B4GALNT2: variants seen among roughly 807,000 people sequenced by gnomAD.
B4GALNT2 encodes the protein N-acetylneuraminylgalactosylglucosyl-glucoside beta-1,4-N- acetylgalactosaminyltransferase 2.
In B4GALNT2, 42 loss-of-function variants were observed where a neutral mutation model predicts 51.1. The observed-to-expected ratio is 0.82, with a 90% CI of 0.64 to 1.06. The LOEUF (loss-of-function observed/expected upper bound fraction) is 1.06, where lower values mean the gene tolerates loss of function less well. B4GALNT2 is among the 50% of genes least tolerant of loss of function. The pLI, the probability that B4GALNT2 is intolerant of heterozygous loss-of-function variation, is 0.00. For missense variants in B4GALNT2, 602 were observed against 633.6 expected, an observed-to-expected ratio of 0.95 and a Z score of 0.54; for synonymous variants, 253 against 251.7, an observed-to-expected ratio of 1.01 and a Z score of -0.05.
rs2144350329 is a variant in B4GALNT2, at chr17:49,171,211, C to T, written c.*1483C>T. On this transcript the variant is annotated 3_prime_UTR_variant, in exon 11 of 11. Transcript: ENST00000393354. ...GCAAAGGCAGCTTTGTCATGGTGAG[C>T]TAATTCTCACAGGAGTCAGGATCCG... The T allele has an allele frequency of 4.2e-6, 1 of 237,344 alleles. No individual in the cohort carries two copies. Among genetic ancestry groups the T allele is most frequent in the Non-Finnish European group, 8.3e-6 (1 of 120,134 alleles). 14.7% of individuals were successfully genotyped at this position (237,344 alleles called of 1,614,324 possible). A position where few individuals can be genotyped will look rare whatever the true frequency, so the allele number is the denominator to read the frequency against.
the B4GALNT2 span, among the ~76,000 whole-genome samples, chr17:49,120,380 G>C: frequency 6.6e-6 from 1 of 152,150 alleles, no homozygotes; most frequent in Non-Finnish European, 1.5e-5. Flanking sequence ...CTGGTGGCTA[G>C]GAAAGGTCTC....
At position 49,170,479 on chromosome 17, in the gene B4GALNT2, T is replaced by G. The variant is rs2144349217; in HGVS notation, c.*751T>G. 6.6e-6 allele frequency: 1 copy of G among 152,392 alleles called. No homozygotes were observed. The highest frequency in any genetic ancestry group is 2.1e-4 in the South Asian group (1 of 4,826). 9.4% of individuals were successfully genotyped at this position (152,392 alleles called of 1,614,324 possible). Reference sequence around the variant, plus strand: ...TGCCAGGGATTGAACTCAGAGCCCATGCCAAGGCATGATGGTGAACAGACA... The same window carrying G: ...TGCCAGGGATTGAACTCAGAGCCCAGGCCAAGGCATGATGGTGAACAGACA... On this transcript the variant is annotated 3_prime_UTR_variant, in exon 11 of 11. Transcript: ENST00000393354.
the B4GALNT2 span, among the ~76,000 whole-genome samples, chr17:49,125,758 AGC>A: frequency 6.2e-5 from 5 of 81,030 alleles, no homozygotes; most frequent in Admixed American, 1.3e-4. Context: ...TGGGGGGGTC[AGC>A]CCCCCGCCCG....
chr17:49,159,327 T>C, intron 6 of B4GALNT2, 110 bp downstream of exon 6: 1 of 1,208,190 alleles, frequency 8.3e-7, no homozygotes, highest in Non-Finnish European at 1.2e-6. Context: ...GTGTTTTGTG[T>C]GTGTTTGTTT....
At chr17:49,132,891 C>T in intron 1 of B4GALNT2, 85 bp downstream of exon 1, 2 of 1,375,170 alleles carry the variant, frequency 1.5e-6, no homozygotes, top group Non-Finnish European at 1.9e-6. Context: ...GTCTGCAGAG[C>T]GGGCAGGTGC....
At chr17:49,141,896 G>T in intron 2 of B4GALNT2, 139 bp from the exon 3 acceptor site, 1 of 1,085,556 alleles carries the variant, frequency 9.2e-7, no homozygotes, top group Non-Finnish European at 1.3e-6. Context: ...GGGACTCCAG[G>T]GTCTCATCAT....
At chr17:49,127,519 T>C (rs2042516835), upstream of B4GALNT2, among the ~76,000 whole-genome samples, 1 of 152,238 alleles carries the variant, frequency 6.6e-6, no homozygotes, top group African/African-American at 2.4e-5. Flanking sequence ...TCCTTAAAAA[T>C]GTTTAAGTGC....
At chr17:49,133,193 T>A in intron 1 of B4GALNT2, 4 of 1,504,374 alleles carry the variant, frequency 2.7e-6, no homozygotes, top group Non-Finnish European at 3.5e-6. Flanking sequence ...GCCCGTTTGC[T>A]GCCCACGGGA....
At chr17:49,135,879 C>T (rs1287440517) in intron 1 of B4GALNT2, among the ~76,000 whole-genome samples, 1 of 151,276 alleles carries the variant, frequency 6.6e-6, no homozygotes, top group Admixed American at 6.6e-5. Flanking sequence ...CTGGCTAACA[C>T]GGCGAAACTC....
At chr17:49,132,076 A>T (rs1380951243), upstream of B4GALNT2, among the ~76,000 whole-genome samples, 2 of 152,128 alleles carry the variant, frequency 1.3e-5, no homozygotes, top group Non-Finnish European at 2.9e-5. Context: ...CTGGAGGTCG[A>T]GGCTATGAGC....
At chr17:49,125,131 T>C in the B4GALNT2 span, among the ~76,000 whole-genome samples, 9 of 152,170 alleles carry the variant, frequency 5.9e-5, no homozygotes, top group Admixed American at 3.9e-4. Flanking sequence ...CCTTTACTTT[T>C]GTTGGTGAGT....
In B4GALNT2 at chr17:49,152,848, C is replaced by T; in HGVS notation, c.402C>T (p.Pro134=). 1 of 1,611,378 alleles carries T rather than the reference C, an allele frequency of 6.2e-7. No individual in the cohort carries two copies. Among genetic ancestry groups the T allele is most frequent in the Non-Finnish European group, 8.5e-7 (1 of 1,178,704 alleles). Residue 134 remains proline (P), a synonymous_variant, in exon 4 of 11, where the codon CCC becomes CCT. Transcript: ENST00000393354. ...PLPLLVQPNL[P]FGYPVHGVEV... is the part of the protein sequence containing the mutation. ...CCCTGCTGGTCCAGCCCAACCTCCC[C>T]TTTGGGTACCCAGTCCACGGAGTGG...
At chr17:49,131,900 A>C (rs2042542092), upstream of B4GALNT2, among the ~76,000 whole-genome samples, 1 of 152,100 alleles carries the variant, frequency 6.6e-6, no homozygotes, top group South Asian at 2.1e-4. Context: ...TGGGAGGCCG[A>C]GACAGGACGA....
intron 9 of B4GALNT2, among the ~76,000 whole-genome samples, chr17:49,167,962 A>G (rs987678676): frequency 1.3e-5 from 2 of 152,092 alleles, no homozygotes; most frequent in Non-Finnish European, 2.9e-5. Flanking sequence ...AGTGTCTATT[A>G]TTCCACACCG....
chr17:49,132,620 A>T, upstream of B4GALNT2: 1 of 644,388 alleles, frequency 1.6e-6, no homozygotes. Context: ...CAGGGTAGAG[A>T]TGGGGGCGCT....
chr17:49,133,103 GC>G (rs1203269358), intron 1 of B4GALNT2: 19 of 1,520,242 alleles, frequency 1.2e-5, no homozygotes, highest in Non-Finnish European at 1.2e-5. Flanking sequence ...TCTCGGGGAC[GC>G]CCGAGTGTGG....
At position 49,160,690 on chromosome 17, in the gene B4GALNT2, T is replaced by C. The variant is rs775069696; in HGVS notation, c.766+49T>C. The C allele has an allele frequency of 2.0e-6, 3 of 1,529,298 alleles. No individual in the cohort carries two copies. The Admixed American group carries it at 5.0e-5, about 26-fold the overall frequency. The allele number at this position is 1,529,298 out of a possible 1,614,324, so 94.7% of individuals were successfully genotyped here. A position where few individuals can be genotyped will look rare whatever the true frequency, so the allele number is the denominator to read the frequency against. ...CCGTGGTGGCAACCCTGTGAAGCTATTGGTGAAATTCAGAAGGGATCACCT... is the reference window on the plus strand; with the variant it reads ...CCGTGGTGGCAACCCTGTGAAGCTACTGGTGAAATTCAGAAGGGATCACCT... On this transcript the variant is annotated intron_variant, in intron 7 of 10. Transcript: ENST00000393354.
intron 3 of B4GALNT2, among the ~76,000 whole-genome samples, chr17:49,146,846 C>G (rs2042699798): frequency 6.6e-6 from 1 of 152,166 alleles, no homozygotes; most frequent in Non-Finnish European, 1.5e-5. Context: ...AGATTGGGCT[C>G]TCTCTCCTTC....
intron 3 of B4GALNT2, among the ~76,000 whole-genome samples, chr17:49,152,026 C>T (rs2042761697): frequency 6.6e-6 from 1 of 152,018 alleles, no homozygotes; most frequent in Non-Finnish European, 1.5e-5. Context: ...GCTGGGTGGG[C>T]CCCTACCGTC....
Sources: gnomAD v4.1 joint callset for allele counts (sites outside exome capture counted in the v4.1 genomes callset) on GRCh38, gnomAD v4.1.1 for gene constraint, MANE v1.5 for transcripts, NCBI Gene and HGNC (gene_info 2026-07-23, HGNC 2026-07-21) for gene names.